The following ACOXL variants were observed in gnomAD, a reference collection of about 807,000 sequenced individuals.
ACOXL encodes acyl-CoA oxidase like, also known as acyl-coenzyme A oxidase-like protein.
In ACOXL, 70 loss-of-function variants were observed where a neutral mutation model predicts 71.9. The observed-to-expected ratio is 0.97, with a 90% CI of 0.80 to 1.19. The LOEUF (loss-of-function observed/expected upper bound fraction) is 1.19. ACOXL is among the 50% of genes most tolerant of loss of function. The pLI, the probability that ACOXL is intolerant of heterozygous loss-of-function variation, is 0.00. For missense variants in ACOXL, 703 were observed against 736.3 expected (o/e 0.95, Z 0.52); for synonymous variants, 253 against 281.6 (o/e 0.90, Z 1.02).
At chr2:110,853,108 G>A (rs1019916389) in intron 10 of ACOXL, among the ~76,000 whole-genome samples, 1 of 152,158 alleles carries the variant, frequency 6.6e-6, no homozygotes, top group African/African-American at 2.4e-5. Context: ...CGGGCGGGGT[G>A]GTCCATCTTG....
intron 2 of ACOXL, among the ~76,000 whole-genome samples, chr2:110,777,377 A>C (rs150445539): frequency 7.4e-4 from 113 of 152,326 alleles, no homozygotes; most frequent in African/African-American, 2.6e-3. Context: ...TACTCCATTA[A>C]ATTATCATAG....
At chr2:111,080,949 T>A (rs1374067997) in intron 16 of ACOXL, among the ~76,000 whole-genome samples, 1 of 152,008 alleles carries the variant, frequency 6.6e-6, no homozygotes, top group Non-Finnish European at 1.5e-5. Context: ...GATACAGAAA[T>A]GCCTTCAATA....
intron 10 of ACOXL, among the ~76,000 whole-genome samples, chr2:110,867,590 C>G (rs1466158589): frequency 6.6e-6 from 1 of 152,076 alleles, no homozygotes; most frequent in Non-Finnish European, 1.5e-5. Context: ...GAAACAAAGT[C>G]CTGTTTGGAC....
chr2:110,906,599 A>C (rs558380423), intron 10 of ACOXL, among the ~76,000 whole-genome samples: 1 of 151,600 alleles, frequency 6.6e-6, no homozygotes, highest in East Asian at 1.9e-4. Flanking sequence ...AAAAAAAAAA[A>C]AAAAACCAAC....
intron 14 of ACOXL, among the ~76,000 whole-genome samples, chr2:111,024,243 C>G (rs185216510): frequency 3.9e-5 from 6 of 152,290 alleles, no homozygotes; most frequent in Admixed American, 2.6e-4. Flanking sequence ...AAGATATGTT[C>G]AAGTCCTAAC....
At chr2:110,752,228 G>C (rs72830990) in intron 1 of ACOXL, among the ~76,000 whole-genome samples, 3,562 of 152,142 alleles carry the variant, frequency 0.023, 66 homozygotes, top group East Asian at 0.055. Context: ...GGCTGGTCTT[G>C]AACTCATGAC....
chr2:110,916,152 T>C (rs185753538), intron 11 of ACOXL, among the ~76,000 whole-genome samples: 2 of 152,212 alleles, frequency 1.3e-5, no homozygotes, highest in Admixed American at 1.3e-4. Context: ...GTGTTAATAA[T>C]ATTTCCTTAT....
At chr2:110,906,615 A>AAAC (rs1226116776) in intron 10 of ACOXL, among the ~76,000 whole-genome samples, 6 of 151,332 alleles carry the variant, frequency 4.0e-5, no homozygotes, top group Admixed American at 2.0e-4. Context: ...CCAACCTAAC[A>AAAC]AACAACAACA....
In ACOXL at chr2:110,933,475, G is replaced by A; in HGVS notation, c.906-14G>A. On this transcript the variant is annotated splice_polypyrimidine_tract_variant and intron_variant, in intron 11 of 17. Transcript: ENST00000439055. ...ACCGCCACTTCCATCACACATGTCT[G>A]CTTTGTCCTGCAGGTATGCTGGGGC... 2 of 1,611,636 alleles carry A rather than the reference G, an allele frequency of 1.2e-6. No homozygotes were observed. Among genetic ancestry groups the A allele is most frequent in the Non-Finnish European group, 1.7e-6 (2 of 1,178,534 alleles).
At chr2:110,858,686 C>T (rs559037024) in intron 10 of ACOXL, among the ~76,000 whole-genome samples, 17 of 152,314 alleles carry the variant, frequency 1.1e-4, no homozygotes, top group African/African-American at 3.1e-4. Flanking sequence ...CTCTGGGCTG[C>T]GTTGCAAACA....
At chr2:111,071,309 C>T (rs2067330270) in intron 16 of ACOXL, among the ~76,000 whole-genome samples, 3 of 152,144 alleles carry the variant, frequency 2.0e-5, no homozygotes, top group South Asian at 4.1e-4. Context: ...GACTTGCCCA[C>T]CTTGGGAGAC....
At chr2:110,925,263 A>G (rs2060227233) in intron 11 of ACOXL, among the ~76,000 whole-genome samples, 2 of 152,234 alleles carry the variant, frequency 1.3e-5, no homozygotes, top group South Asian at 4.1e-4. Flanking sequence ...CACTAGCTGC[A>G]TTAGCCCCTA....
chr2:110,979,760 C>G (rs2062620885), intron 12 of ACOXL, among the ~76,000 whole-genome samples: 1 of 152,132 alleles, frequency 6.6e-6, no homozygotes, highest in East Asian at 1.9e-4. Context: ...TGTAGCACAC[C>G]CGAGACTCAG....
intron 10 of ACOXL, among the ~76,000 whole-genome samples, chr2:110,864,249 A>G (rs139932859): frequency 8.4e-4 from 128 of 152,266 alleles, no homozygotes; most frequent in Non-Finnish European, 1.6e-3. Flanking sequence ...GGGAAAGGGA[A>G]CATTTTCTGC....
intron 14 of ACOXL, among the ~76,000 whole-genome samples, chr2:111,000,123 C>T (rs577216084): frequency 3.9e-5 from 6 of 152,244 alleles, no homozygotes; most frequent in East Asian, 1.9e-4. Context: ...AGTACCTTGA[C>T]GAAATTATTA....
intron 1 of ACOXL, among the ~76,000 whole-genome samples, chr2:110,760,358 A>G (rs983741857): frequency 3.9e-5 from 6 of 152,012 alleles, no homozygotes; most frequent in African/African-American, 1.4e-4. Context: ...GTTAGACAGG[A>G]TGGTCTCGAT....
At chr2:111,080,080 A>AT (rs1409217347) in intron 16 of ACOXL, among the ~76,000 whole-genome samples, 1 of 152,058 alleles carries the variant, frequency 6.6e-6, no homozygotes, top group African/African-American at 2.4e-5. Context: ...CCCCTTTATC[A>AT]TTTTTTATTG....
At chr2:111,005,721 C>T (rs1474614918) in intron 14 of ACOXL, among the ~76,000 whole-genome samples, 1 of 152,086 alleles carries the variant, frequency 6.6e-6, no homozygotes, top group South Asian at 2.1e-4. Flanking sequence ...TCTGTGTTGG[C>T]GATTGGGTGG....
chr2:110,986,967 C>T, intron 12 of ACOXL, 141 bp from the exon 13 acceptor site: 1 of 694,026 alleles, frequency 1.4e-6, no homozygotes, highest in South Asian at 1.9e-5. Flanking sequence ...GAAATAGAGA[C>T]CCTTGTAAGA....
Sources: allele counts gnomAD v4.1 joint callset (sites outside exome capture counted in the v4.1 genomes callset), GRCh38; gene constraint gnomAD v4.1.1; transcripts MANE v1.5; gene names NCBI Gene and HGNC (gene_info 2026-07-23, HGNC 2026-07-21).